ANXA7: variants seen among roughly 807,000 people sequenced by gnomAD.
ANXA7 encodes the protein annexin VII.
In ANXA7, 55 loss-of-function variants were observed where a neutral mutation model predicts 64.9. The ratio of observed to expected loss-of-function variants is 0.85; its 90% CI spans 0.68 to 1.06. The LOEUF (loss-of-function observed/expected upper bound fraction) is 1.06, where lower values mean the gene tolerates loss of function less well. Ranked by LOEUF, ANXA7 falls within the 50% of genes least tolerant of loss-of-function variation. The pLI, the probability that ANXA7 is intolerant of heterozygous loss-of-function variation, is 0.00. For synonymous variants in ANXA7, 200 were observed against 192.4 expected (o/e 1.04, Z -0.33); for missense variants, 548 against 582.1 (o/e 0.94, Z 0.60).
intron 1 of ANXA7, among the ~76,000 whole-genome samples, chr10:73,407,014 C>A (rs2055767657): frequency 6.6e-6 from 1 of 152,174 alleles, no homozygotes; most frequent in Non-Finnish European, 1.5e-5. Flanking sequence ...CTTACTCACC[C>A]CTCCTATCTA....
Position 73,383,172 on chromosome 10 carries a change from C to T in ANXA7, c.918+3G>A, listed in dbSNP as rs745652035. ...AACGCACAAGCATTCATACTATACT[C>T]ACCTGGCACATGGACACAAGTAAAC... On this transcript the variant is annotated splice_donor_region_variant and intron_variant, in intron 9 of 12. Transcript: ENST00000372921. 6.2e-7 allele frequency: 1 copy of T among 1,610,910 alleles called. No homozygotes were observed. The highest frequency in any genetic ancestry group is 8.5e-7 in the Non-Finnish European group (1 of 1,178,014).
intron 1 of ANXA7, among the ~76,000 whole-genome samples, chr10:73,410,653 G>C (rs2055824593): frequency 6.6e-6 from 1 of 151,968 alleles, no homozygotes; most frequent in Non-Finnish European, 1.5e-5. Flanking sequence ...ATGGTGGCGT[G>C]TGACTGTAAT....
In ANXA7 at chr10:73,402,855, G is replaced by A. The variant is rs184593765; in HGVS notation, c.-1-1998C>T. Among the ~76,000 whole-genome samples, 567 of 147,520 alleles carry A rather than the reference G, an allele frequency of 3.8e-3. 5 individuals carry two copies. The highest frequency in any genetic ancestry group is 0.014 in the African/African-American group (552 of 39,558). On this transcript the variant is annotated intron_variant, in intron 1 of 12. Transcript: ENST00000372921. ...TTTTTTTTTTTTTGAGTCGGAGTCT[G>A]ACTCTGTCGCCCAGGCTGGAGTACA...
At chr10:73,378,377 CAAAAAAA>C (rs755093944) in intron 12 of ANXA7, among the ~76,000 whole-genome samples, 9 of 63,152 alleles carry the variant, frequency 1.4e-4, no homozygotes, top group African/African-American at 3.7e-4. Flanking sequence ...GACCATGTCT[CAAAAAAA>C]AAAAAAAAAA....
intron 5 of ANXA7, among the ~76,000 whole-genome samples, chr10:73,393,620 AT>A: frequency 6.6e-6 from 1 of 152,312 alleles, no homozygotes; most frequent in Non-Finnish European, 1.5e-5. Flanking sequence ...AGGATTCCCT[AT>A]TTAATAAATG....
intron 5 of ANXA7, among the ~76,000 whole-genome samples, chr10:73,394,902 T>C (rs1449447969): frequency 6.6e-6 from 1 of 152,246 alleles, no homozygotes; most frequent in Non-Finnish European, 1.5e-5. Context: ...ACATGTGATT[T>C]ACTTTTAGTG....
intron 9 of ANXA7, among the ~76,000 whole-genome samples, chr10:73,382,351 C>CT (rs919514091): frequency 2.0e-5 from 3 of 151,322 alleles, no homozygotes; most frequent in African/African-American, 4.9e-5. Flanking sequence ...TTTTTCTTTT[C>CT]TTTTTTTTAA....
chr10:73,380,342 G>T, intron 9 of ANXA7, 141 bp from the exon 10 acceptor site: 1 of 799,612 alleles, frequency 1.3e-6, no homozygotes, highest in Non-Finnish European at 1.9e-6. Flanking sequence ...CACTCAGGCT[G>T]GAGTGCAGTA....
At chr10:73,397,687 G>A (rs1450254342) in intron 3 of ANXA7, among the ~76,000 whole-genome samples, 2 of 152,080 alleles carry the variant, frequency 1.3e-5, no homozygotes, top group African/African-American at 4.8e-5. Context: ...CGAACTCCTT[G>A]CTTCAAGTGA....
intron 1 of ANXA7, among the ~76,000 whole-genome samples, chr10:73,402,749 C>T (rs561261089): frequency 1.3e-5 from 2 of 152,136 alleles, no homozygotes; most frequent in Non-Finnish European, 2.9e-5. Flanking sequence ...GTTTATCTAC[C>T]TATCTTTAAG....
At chr10:73,400,930 C>A (rs966757357) in intron 1 of ANXA7, 73 bp from the exon 2 acceptor site, 1 of 1,331,076 alleles carries the variant, frequency 7.5e-7, no homozygotes, top group South Asian at 1.4e-5. Flanking sequence ...TTTTTTGAGA[C>A]GGAGTCTCAC....
chr10:73,391,994 G>A (rs865804902), intron 5 of ANXA7, among the ~76,000 whole-genome samples: 9 of 151,886 alleles, frequency 5.9e-5, no homozygotes, highest in Admixed American at 2.6e-4. Context: ...TTAAATAGAC[G>A]CAATAAAAAA....
At chr10:73,407,781 C>T (rs1460565381) in intron 1 of ANXA7, among the ~76,000 whole-genome samples, 6 of 152,082 alleles carry the variant, frequency 3.9e-5, no homozygotes, top group Non-Finnish European at 8.8e-5. Flanking sequence ...TCCCTTATGA[C>T]AGGAACACAG....
Position 73,380,221 on chromosome 10 carries a change from G to A in ANXA7, c.919-20C>T, listed in dbSNP as rs888310982. 3.8e-6 allele frequency: 6 copies of A among 1,589,158 alleles called. No homozygotes were observed. In the African/African-American group the frequency reaches 8.2e-5, roughly 22 times the overall value. ...ATTTCCCTGCAAAAGAGAAAGGCAGGAATTGGAAGAAATAAATAATAGTTC... is the reference window on the plus strand; with the variant it reads ...ATTTCCCTGCAAAAGAGAAAGGCAGAAATTGGAAGAAATAAATAATAGTTC... On this transcript the variant is annotated intron_variant, in intron 9 of 12. Coordinates refer to ENST00000372921, the MANE Select transcript of ANXA7 (RefSeq NM_001156.5).
chr10:73,390,079 T>C (rs2055444156), intron 5 of ANXA7, among the ~76,000 whole-genome samples: 2 of 152,252 alleles, frequency 1.3e-5, no homozygotes, highest in African/African-American at 4.8e-5. Flanking sequence ...GTAAAATAAG[T>C]GTTTTCACTG....
chr10:73,409,588 C>T (rs2132704900), intron 1 of ANXA7, among the ~76,000 whole-genome samples: 1 of 152,316 alleles, frequency 6.6e-6, no homozygotes, highest in South Asian at 2.1e-4. Context: ...AATGACCATA[C>T]TGCCCAAAGC....
chr10:73,383,330 C>A lies in ANXA7; in HGVS notation c.763G>T (p.Glu255Ter). The change falls in exon 9 of 13, where the codon GAA becomes TAA. Residue 255 changes from glutamate (E) to a stop codon, truncating the protein, a stop_gained. Transcript: ENST00000372921. LOFTEE classifies it high-confidence loss of function. ...RKAMQGAGTQ[E>*]RVLIEILCTR... ...CACAAAATCTCAATCAATACACGTT[C>A]CTGAGTTCCTGCTCCCTACATGAAA... The A allele has an allele frequency of 6.2e-7, 1 of 1,613,116 alleles. No individual in the cohort carries two copies. Among genetic ancestry groups the A allele is most frequent in the Non-Finnish European group, 8.5e-7 (1 of 1,179,388 alleles).
In ANXA7 at chr10:73,379,930, T is replaced by G; in HGVS notation, c.1114A>C (p.Ser372Arg). The G allele has an allele frequency of 6.2e-7, 1 of 1,614,246 alleles. No individual in the cohort carries two copies. The highest frequency in any genetic ancestry group is 8.5e-7 in the Non-Finnish European group (1 of 1,180,042). The change falls in exon 11 of 13, where the codon AGT (serine) becomes CGT (arginine). Residue 372 changes from serine (S) to arginine (R), a missense_variant. Physicochemically the swap from Ser to Arg is moderately radical, Grantham distance 110. Coordinates refer to ENST00000372921, the MANE Select transcript of ANXA7 (RefSeq NM_001156.5). ...TATCCGGAAAACTCACGGCTCACACTGCTTAACAAGTCTCGATTAGCCATC... is the reference window on the plus strand; with the variant it reads ...TATCCGGAAAACTCACGGCTCACACGGCTTAACAAGTCTCGATTAGCCATC... ...SRMANRDLLSSVSREFSGYVE... is the reference protein window; with the variant it reads ...SRMANRDLLSRVSREFSGYVE...
rs774472096 is a variant in ANXA7, at chr10:73,376,119, A to T, written c.1377T>A (p.Leu459=). 4.3e-5 allele frequency: 69 copies of T among 1,599,318 alleles called. No homozygotes were observed. The highest frequency in any genetic ancestry group is 2.9e-4 in the East Asian group (13 of 44,590). ...CCTACTGGCCCACAATAGCCAGAAG[A>T]AGTCTTCGGTAATCTCCACTCGTGT... The part of the protein sequence containing the change: ...AGDTSGDYRR[L]LLAIVGQ Residue 459 remains leucine, a synonymous_variant, in exon 13 of 13, where the codon CTT becomes CTA. Transcript: ENST00000372921.
Sources: allele counts gnomAD v4.1 joint callset (sites outside exome capture counted in the v4.1 genomes callset), GRCh38; gene constraint gnomAD v4.1.1; transcripts MANE v1.5; gene names NCBI Gene and HGNC (gene_info 2026-07-23, HGNC 2026-07-21).